The following SRSF5 variants were observed in gnomAD, a reference collection of about 807,000 sequenced individuals.
SRSF5 encodes serine/arginine-rich splicing factor 5.
Under a neutral mutation model 34.0 loss-of-function variants are expected in SRSF5, and 5 were observed. The ratio of observed to expected loss-of-function variants is 0.15; its 90% CI spans 0.08 to 0.31. SRSF5 has a LOEUF of 0.31. Ranked by LOEUF, SRSF5 falls within the 10% of genes least tolerant of loss-of-function variation. SRSF5 has a pLI of 1.00. For missense variants in SRSF5, 223 were observed against 351.4 expected (o/e 0.63, Z 2.92); for synonymous variants, 164 against 117.7 (o/e 1.39, Z -2.55).
At chr14:69,770,951 CT>C (rs1205638008) in intron 6 of SRSF5, 43 bp from the exon 7 acceptor site, 7 of 1,529,622 alleles carry the variant, frequency 4.6e-6, no homozygotes, top group Non-Finnish European at 6.3e-6. Flanking sequence ...ATGTGTGAGA[CT>C]ACAGGATGTA....
At chr14:69,769,082 A>C in intron 4 of SRSF5, 100 bp from the exon 5 acceptor site, 1 of 1,424,574 alleles carries the variant, frequency 7.0e-7, no homozygotes, top group Non-Finnish European at 9.9e-7. Flanking sequence ...GGAAGTCATT[A>C]GAATGGCTTG....
At chr14:69,767,785 T>C (rs1351611053) in intron 1 of SRSF5, 3 of 353,374 alleles carry the variant, frequency 8.5e-6, no homozygotes, top group Non-Finnish European at 1.7e-5. Flanking sequence ...AGGCCGCCAT[T>C]GGGCTGGCTT....
chr14:69,769,158 GTGAATA>G lies in SRSF5; in HGVS notation c.297-23_297-18del, dbSNP rs1882917896. On this transcript the variant is annotated intron_variant, in intron 4 of 7. Transcript: ENST00000557154. The stretch of plus-strand genomic sequence containing the variant: ...GTGCTGTCATTGCATTTCTTCCATT[GTGAATA>G]CGAATTTTCTTCCTCAGAAATGCTC... The G allele has an allele frequency of 6.2e-7, 1 of 1,613,772 alleles. No homozygotes were observed. Among genetic ancestry groups the G allele is most frequent in the Admixed American group, 1.7e-5 (1 of 60,000 alleles).
intron 4 of SRSF5, 32 bp downstream of exon 4, chr14:69,768,928 A>G (rs774334005): frequency 1.0e-5 from 16 of 1,593,182 alleles, no homozygotes; most frequent in South Asian, 3.3e-5. Context: ...GCATTGAACA[A>G]TTATTGTAGG....
At position 69,767,192 on chromosome 14, in the gene SRSF5, C is replaced by T. The variant is rs61164981; in HGVS notation, c.-83C>T. 9 of 356,234 alleles carry T rather than the reference C, an allele frequency of 2.5e-5. No homozygotes were observed. The Admixed American group carries it at 2.6e-4, about 10-fold the overall frequency. The allele number at this position is 356,234 out of a possible 1,614,324, so 22.1% of individuals were successfully genotyped here. ...GTTAAGTCCTGGTCTGCGTGGAGGT[C>T]GACGACTCCGTCGCAGACTACGGAC... is the stretch of plus-strand genomic sequence containing the variant. On this transcript the variant is annotated 5_prime_UTR_variant, in exon 1 of 8. Transcript: ENST00000557154.
intron 5 of SRSF5, 165 bp downstream of exon 5, chr14:69,769,416 T>A: frequency 6.6e-7 from 1 of 1,515,948 alleles, no homozygotes; most frequent in Non-Finnish European, 8.8e-7. Flanking sequence ...TATTTTGAAC[T>A]TTAATATTAG....
chr14:69,770,613 TA>T (rs1883083838), intron 6 of SRSF5, 73 bp downstream of exon 6: 8 of 1,363,964 alleles, frequency 5.9e-6, no homozygotes, highest in Non-Finnish European at 8.3e-6. Context: ...TTTGAGGACT[TA>T]AAATTTGAAT....
chr14:69,770,750 T>C (rs1883107056), intron 6 of SRSF5: 5 of 638,922 alleles, frequency 7.8e-6, no homozygotes, highest in Non-Finnish European at 1.4e-5. Context: ...TGTTGGCATG[T>C]AGTCAGTAGG....
chr14:69,768,339 G>T (rs1882789170), intron 2 of SRSF5, 57 bp downstream of exon 2: 3 of 1,601,408 alleles, frequency 1.9e-6, no homozygotes. Flanking sequence ...TTGATAAGCA[G>T]TTGTTTTCGA....
At chr14:69,769,042 A>T in intron 4 of SRSF5, 140 bp from the exon 5 acceptor site, 1 of 1,280,686 alleles carries the variant, frequency 7.8e-7, no homozygotes, top group Non-Finnish European at 1.1e-6. Context: ...TGATGAATCT[A>T]TATGAGTCAT....
At chr14:69,767,579 A>G (rs1056547228) in intron 1 of SRSF5, 5 of 454,344 alleles carry the variant, frequency 1.1e-5, no homozygotes, top group Non-Finnish European at 2.2e-5. Context: ...GGCCTTTTGT[A>G]GGGCGGCCGC....
chr14:69,769,334 A>T (rs1025602850), intron 5 of SRSF5, 83 bp downstream of exon 5: 1 of 1,562,124 alleles, frequency 6.4e-7, no homozygotes. Context: ...TTGTTTTATT[A>T]AAAGTAGTTT....
intron 1 of SRSF5, chr14:69,767,537 G>A (rs1476892868): frequency 2.2e-6 from 1 of 455,894 alleles, no homozygotes; most frequent in Non-Finnish European, 4.4e-6. Context: ...TAGTGGGCCG[G>A]GATCTCCCTG....
Position 69,770,980 on chromosome 14 carries a change from T to C in SRSF5, c.441-15T>C. ...AGGATGTATATACTTTAAAAGTGGC[T>C]GTTTTCCATTTTAGGGTGGTTGAGT... On this transcript the variant is annotated splice_polypyrimidine_tract_variant and intron_variant, in intron 6 of 7. Coordinates refer to ENST00000557154, the MANE Select transcript of SRSF5 (RefSeq NM_001320214.2). 6.2e-7 allele frequency: 1 copy of C among 1,604,822 alleles called. No homozygotes were observed. Among genetic ancestry groups the C allele is most frequent in the South Asian group, 1.1e-5 (1 of 90,524 alleles).
In SRSF5 at chr14:69,769,171, T is replaced by C. The variant is rs561972637; in HGVS notation, c.297-11T>C. ...ATTTCTTCCATTGTGAATACGAATT[T>C]TCTTCCTCAGAAATGCTCCACCTGT... On this transcript the variant is annotated splice_polypyrimidine_tract_variant and intron_variant, in intron 4 of 7. Transcript: ENST00000557154. 5.0e-6 allele frequency: 8 copies of C among 1,614,202 alleles called. No individual in the cohort carries two copies. The highest frequency in any genetic ancestry group is 1.7e-5 in the Admixed American group (1 of 60,032).
chr14:69,770,565 C>T (rs745779522), intron 6 of SRSF5, 25 bp downstream of exon 6: 6 of 1,593,912 alleles, frequency 3.8e-6, no homozygotes, highest in Admixed American at 3.5e-5. Context: ...CTGTGAAAGT[C>T]TTTAAAAATA....
intron 5 of SRSF5, 69 bp downstream of exon 5, chr14:69,769,320 T>C: frequency 6.3e-7 from 1 of 1,585,330 alleles, no homozygotes; most frequent in Non-Finnish European, 8.6e-7. Flanking sequence ...TAGCTAATGT[T>C]GTATTGTTTT....
At position 69,771,671 on chromosome 14, in the gene SRSF5, C is replaced by T. The variant is rs1361454937; in HGVS notation, c.*210C>T. 7 of 578,282 alleles carry T rather than the reference C, an allele frequency of 1.2e-5. No individual in the cohort carries two copies. Among genetic ancestry groups the T allele is most frequent in the Admixed American group, 7.0e-5 (2 of 28,740 alleles). The allele number at this position is 578,282 out of a possible 1,614,324, so 35.8% of individuals were successfully genotyped here. A position where few individuals can be genotyped will look rare whatever the true frequency, so the allele number is the denominator to read the frequency against. On this transcript the variant is annotated 3_prime_UTR_variant, in exon 8 of 8. Transcript: ENST00000557154. The stretch of plus-strand genomic sequence containing the variant: ...TTGTATTAAATGTCTTTTGATAAGC[C>T]TTCTGCTCACATTTTTGTGAATGTC...
intron 5 of SRSF5, chr14:69,769,541 A>C (rs1882970741): frequency 6.5e-7 from 1 of 1,535,392 alleles, no homozygotes; most frequent in Non-Finnish European, 8.7e-7. Flanking sequence ...TATGACGAGG[A>C]GTGCCTGTGG....
Sources: allele counts gnomAD v4.1 joint callset, GRCh38; gene constraint gnomAD v4.1.1; transcripts MANE v1.5; gene names NCBI Gene and HGNC (gene_info 2026-07-23, HGNC 2026-07-21).